GRM7: variants seen among roughly 807,000 people sequenced by gnomAD.
GRM7 encodes the protein glutamate metabotropic receptor 7.
Under a neutral mutation model 84.5 loss-of-function variants are expected in GRM7, and 35 were observed. The observed-to-expected ratio is 0.41, with a 90% CI of 0.32 to 0.55. The LOEUF is 0.55. Among genes scored for constraint, GRM7 ranks in the 20% least tolerant of loss-of-function variants. The pLI is 0.19. For synonymous variants in GRM7, 487 were observed against 455.1 expected (o/e 1.07, Z -0.89); for missense variants, 1,003 against 1,194.6 (o/e 0.84, Z 2.36).
At chr3:7,142,494 A>T (rs1040040573) in intron 1 of GRM7, among the ~76,000 whole-genome samples, 16 of 152,178 alleles carry the variant, frequency 1.1e-4, no homozygotes, top group African/African-American at 3.9e-4. Context: ...TTATAAAATC[A>T]TCAGGTCTTG....
chr3:6,913,206 C>T (rs1696831280), intron 1 of GRM7, among the ~76,000 whole-genome samples: 1 of 152,088 alleles, frequency 6.6e-6, no homozygotes, highest in African/African-American at 2.4e-5. Flanking sequence ...GCAATGGCTT[C>T]GTGTATTTAT....
At chr3:7,446,458 T>G (rs6774558) in intron 5 of GRM7, among the ~76,000 whole-genome samples, 52,138 of 144,456 alleles carry the variant, frequency 0.36, 10,730 homozygotes, top group Non-Finnish European at 0.48. Flanking sequence ...TTGTTTTTTT[T>G]TTTTTGTTTT....
intron 1 of GRM7, among the ~76,000 whole-genome samples, chr3:6,868,658 C>G (rs80008813): frequency 0.012 from 1,810 of 152,248 alleles, 40 homozygotes; most frequent in African/African-American, 0.041. Flanking sequence ...TTCTACAAAC[C>G]TCAAGTAGGG....
chr3:7,247,977 ATAT>A (rs1342623977), intron 2 of GRM7, among the ~76,000 whole-genome samples: 7 of 152,162 alleles, frequency 4.6e-5, no homozygotes, highest in South Asian at 2.1e-4. Flanking sequence ...GAAACCAGTA[ATAT>A]TATTGTTGTT....
At chr3:7,680,563 T>A (rs1224047290) in intron 9 of GRM7, 2 of 446,832 alleles carry the variant, frequency 4.5e-6, no homozygotes, top group Non-Finnish European at 8.1e-6. Context: ...CCTCTGGTAC[T>A]GAATCCTCCA....
intron 8 of GRM7, among the ~76,000 whole-genome samples, chr3:7,611,851 T>C (rs1234405385): frequency 6.6e-6 from 1 of 152,146 alleles, no homozygotes; most frequent in Non-Finnish European, 1.5e-5. Context: ...ACGTGGAACA[T>C]TGAAGTTAAT....
chr3:7,569,429 A>G (rs188573256), intron 7 of GRM7, among the ~76,000 whole-genome samples: 2 of 152,176 alleles, frequency 1.3e-5, no homozygotes, highest in East Asian at 3.9e-4. Context: ...TGTCTAGCTC[A>G]GGGAATGTAA....
chr3:7,022,764 T>A (rs1482204136), intron 1 of GRM7, among the ~76,000 whole-genome samples: 1 of 151,732 alleles, frequency 6.6e-6, no homozygotes, highest in African/African-American at 2.4e-5. Context: ...GAAACAGGGG[T>A]CGTCTTTGTC....
At chr3:7,599,342 A>G (rs1221310927) in intron 8 of GRM7, among the ~76,000 whole-genome samples, 1 of 152,188 alleles carries the variant, frequency 6.6e-6, no homozygotes, top group Admixed American at 6.6e-5. Flanking sequence ...TAAAACTGAA[A>G]TACATTTACT....
chr3:7,320,166 TTGTGTGTA>T (rs1700724375), intron 4 of GRM7, among the ~76,000 whole-genome samples: 1 of 151,436 alleles, frequency 6.6e-6, no homozygotes, highest in Non-Finnish European at 1.5e-5. Context: ...GTGTGTGTGT[TTGTGTGTA>T]TCTATGTGCA....
intron 8 of GRM7, among the ~76,000 whole-genome samples, chr3:7,592,601 G>A (rs73809445): frequency 0.048 from 7,233 of 152,210 alleles, 473 homozygotes; most frequent in African/African-American, 0.14. Context: ...TGGAGGCACA[G>A]CATGATCTGA....
At chr3:7,728,402 C>T (rs1164830813) in intron 9 of GRM7, among the ~76,000 whole-genome samples, 13 of 152,124 alleles carry the variant, frequency 8.5e-5, no homozygotes, top group Admixed American at 7.9e-4. Context: ...ACATACTTGC[C>T]GATCTCTATG....
intron 2 of GRM7, among the ~76,000 whole-genome samples, chr3:7,206,179 T>C (rs2124831818): frequency 6.6e-6 from 1 of 152,272 alleles, no homozygotes. Flanking sequence ...TCTGGCTACT[T>C]CCCTGCTTAT....
chr3:7,011,024 A>G (rs763905224), intron 1 of GRM7, among the ~76,000 whole-genome samples: 3 of 152,206 alleles, frequency 2.0e-5, no homozygotes, highest in Non-Finnish European at 4.4e-5. Context: ...AGGCCAAGAC[A>G]CTAGAGTCAG....
chr3:7,313,275 G>A (rs1700471595), intron 4 of GRM7, among the ~76,000 whole-genome samples: 1 of 152,084 alleles, frequency 6.6e-6, no homozygotes, highest in Non-Finnish European at 1.5e-5. Flanking sequence ...GATACTTGGA[G>A]CTGCTATAGC....
At chr3:7,164,338 G>A (rs891045831) in intron 2 of GRM7, among the ~76,000 whole-genome samples, 5 of 152,158 alleles carry the variant, frequency 3.3e-5, no homozygotes, top group Admixed American at 6.5e-5. Context: ...CAGCCTGGAC[G>A]ACAGAGCGAG....
chr3:7,018,077 A>G lies in GRM7; in HGVS notation c.520-128375A>G, dbSNP rs184606921. On this transcript the variant is annotated intron_variant, in intron 1 of 9. Transcript: ENST00000357716. The stretch of plus-strand genomic sequence containing the variant: ...ATCTAATTTTAAATTTCTAGTAACC[A>G]TGATAAGAAAAAGGATACCAAGAAA... 4.4e-4 allele frequency among the ~76,000 whole-genome samples: 67 copies of G among 152,364 alleles called. 1 individual carries two copies. Among genetic ancestry groups the G allele is most frequent in the African/African-American group, 1.6e-3 (67 of 41,600 alleles).
intron 2 of GRM7, among the ~76,000 whole-genome samples, chr3:7,183,683 C>T (rs1204049047): frequency 6.6e-6 from 1 of 151,974 alleles, no homozygotes; most frequent in African/African-American, 2.4e-5. Flanking sequence ...ATGAAGAGCT[C>T]TTTTCATGAG....
In GRM7 at chr3:7,569,459, G is replaced by A. The variant is rs185257003; in HGVS notation, c.1516-8963G>A. Among the ~76,000 whole-genome samples the A allele has an allele frequency of 3.1e-4, 47 of 152,262 alleles. No individual in the cohort carries two copies. The East Asian group carries it at 6.6e-3, about 21-fold the overall frequency. On this transcript the variant is annotated intron_variant, in intron 7 of 9. Coordinates refer to ENST00000357716, the MANE Select transcript of GRM7 (RefSeq NM_000844.4). Reference sequence around the variant, plus strand: ...ATGTAAACACACCAATCAGCACCCTGTCAAAACAGACCACTGGGCTCTCTG... The same window carrying A: ...ATGTAAACACACCAATCAGCACCCTATCAAAACAGACCACTGGGCTCTCTG...
Sources: gnomAD v4.1 joint callset for allele counts (sites outside exome capture counted in the v4.1 genomes callset) on GRCh38, gnomAD v4.1.1 for gene constraint, MANE v1.5 for transcripts, NCBI Gene and HGNC (gene_info 2026-07-23, HGNC 2026-07-21) for gene names.